FBXW8: variants seen among roughly 807,000 people sequenced by gnomAD.
The protein encoded by FBXW8 is F-box and WD repeat domain containing 8, also known as F-box/WD repeat-containing protein 8.
FBXW8 carries 57 observed loss-of-function variants against 65.3 expected under a neutral mutation model. The observed-to-expected ratio is 0.87, with a 90% CI of 0.71 to 1.09. The LOEUF (loss-of-function observed/expected upper bound fraction) is 1.09. Ranked by LOEUF, FBXW8 falls within the 50% of genes least tolerant of loss-of-function variation. FBXW8 has a pLI of 0.00. For synonymous variants in FBXW8, 308 were observed against 330.2 expected (o/e 0.93, Z 0.73); for missense variants, 777 against 814.8 (o/e 0.95, Z 0.57).
chr12:116,987,859 T>A (rs1442126985), intron 6 of FBXW8, among the ~76,000 whole-genome samples: 2 of 152,130 alleles, frequency 1.3e-5, no homozygotes, highest in Non-Finnish European at 2.9e-5. Context: ...AGGCAGCCAT[T>A]GTTAGAAGAT....
intron 2 of FBXW8, among the ~76,000 whole-genome samples, chr12:116,940,756 T>G (rs530174871): frequency 1.1e-4 from 16 of 152,228 alleles, no homozygotes; most frequent in African/African-American, 3.6e-4. Flanking sequence ...ATTAGTTGAG[T>G]AGCCATGTTG....
Position 117,028,505 on chromosome 12 carries a change from G to GAA in FBXW8, c.*333_*334insAA. 1 of 241,858 alleles carries GAA rather than the reference G, an allele frequency of 4.1e-6. No homozygotes were observed. The highest frequency in any genetic ancestry group is 4.8e-5 in the Admixed American group (1 of 20,852). The allele number at this position is 241,858 out of a possible 1,614,324, so 15.0% of individuals were successfully genotyped here. The stretch of plus-strand genomic sequence containing the variant: ...GTCCCTGCTTAGCCAGCTTCTGTGT[G>GAA]TCCGCCCTCCCAGCTCCAGCCCTGC... On this transcript the variant is annotated 3_prime_UTR_variant, in exon 11 of 11. Transcript: ENST00000652555. This position sits in a 1 kb window ranked among gnomAD's most constrained non-coding sequence, Gnocchi z 4.1.
chr12:117,024,059 T>C (rs1409957340), intron 8 of FBXW8, 88 bp from the exon 9 acceptor site: 3 of 1,411,362 alleles, frequency 2.1e-6, no homozygotes, highest in African/African-American at 1.4e-5. Context: ...GTGTTGTGCA[T>C]AGACCAGCAC....
chr12:116,974,384 C>T (rs1212782922), intron 5 of FBXW8, among the ~76,000 whole-genome samples: 2 of 152,144 alleles, frequency 1.3e-5, no homozygotes, highest in African/African-American at 4.8e-5. Flanking sequence ...AAAAAGACCT[C>T]GTAATACATG....
chr12:116,943,431 A>G (rs1021868689), intron 2 of FBXW8, among the ~76,000 whole-genome samples: 7 of 152,084 alleles, frequency 4.6e-5, no homozygotes, highest in African/African-American at 1.4e-4. Context: ...TCTAATTTGT[A>G]TTATTTGTCA....
chr12:116,925,652 T>A (rs4238050), intron 1 of FBXW8, among the ~76,000 whole-genome samples: 102,564 of 151,840 alleles, frequency 0.68, 39,638 homozygotes, highest in Non-Finnish European at 0.84. Context: ...GACTTTTTTT[T>A]AAAAAAAGTT....
chr12:116,910,996 C>A lies in FBXW8; in HGVS notation c.-42C>A. 3 of 1,356,346 alleles carry A rather than the reference C, an allele frequency of 2.2e-6. No homozygotes were observed. The highest frequency in any genetic ancestry group is 2.8e-6 in the Non-Finnish European group (3 of 1,060,158). 84.0% of individuals were successfully genotyped at this position (1,356,346 alleles called of 1,614,324 possible). On this transcript the variant is annotated 5_prime_UTR_variant, in exon 1 of 11. Transcript: ENST00000652555. Reference sequence around the variant, plus strand: ...CTGGGCGGGACTGTCTCGTGGCACCCGGTGGAACCGAGGAGAACGTGGAGC... The same window carrying A: ...CTGGGCGGGACTGTCTCGTGGCACCAGGTGGAACCGAGGAGAACGTGGAGC...
At chr12:116,958,571 G>A (rs905045266) in intron 4 of FBXW8, among the ~76,000 whole-genome samples, 1 of 152,174 alleles carries the variant, frequency 6.6e-6, no homozygotes, top group Admixed American at 6.5e-5. Context: ...CCCTGGTCAT[G>A]GCGAGTTTAT....
At chr12:116,932,318 C>T (rs1881832257) in intron 2 of FBXW8, among the ~76,000 whole-genome samples, 1 of 152,144 alleles carries the variant, frequency 6.6e-6, no homozygotes, top group Non-Finnish European at 1.5e-5. Flanking sequence ...CTGCATTTTA[C>T]ACAGGTGTTT....
At chr12:116,970,512 AAG>A (rs1295497036) in intron 5 of FBXW8, among the ~76,000 whole-genome samples, 2 of 152,316 alleles carry the variant, frequency 1.3e-5, no homozygotes, top group African/African-American at 4.8e-5. Context: ...GGGTCTCTCC[AAG>A]CTGCTTTTTA....
intron 5 of FBXW8, chr12:116,979,583 C>G (rs552764599): frequency 6.6e-6 from 1 of 152,228 alleles, no homozygotes; most frequent in Non-Finnish European, 1.5e-5. Context: ...TTGTCTGCAT[C>G]CTTTTCCTGT....
At position 116,995,459 on chromosome 12, in the gene FBXW8, A is replaced by T. The variant is rs539511252; in HGVS notation, c.1239+6590A>T. ...TGCTGAGGGCTTCTGAAATGGGCCGAGGAATCCATTATTCTATCACTTCTT... is the reference window on the plus strand; with the variant it reads ...TGCTGAGGGCTTCTGAAATGGGCCGTGGAATCCATTATTCTATCACTTCTT... On this transcript the variant is annotated intron_variant, in intron 7 of 10. Coordinates refer to ENST00000652555, the MANE Select transcript of FBXW8 (RefSeq NM_153348.3). 3.3e-5 allele frequency among the ~76,000 whole-genome samples: 5 copies of T among 152,298 alleles called. No individual in the cohort carries two copies. In the South Asian group the frequency reaches 1.0e-3, roughly 32 times the overall value.
chr12:116,969,137 C>CAAGG (rs1444077702), intron 5 of FBXW8, among the ~76,000 whole-genome samples: 6 of 152,160 alleles, frequency 3.9e-5, no homozygotes, highest in African/African-American at 1.4e-4. Context: ...TTTGGGGTTT[C>CAAGG]ACGTCATGGT....
rs1470941034 is a variant in FBXW8, at chr12:116,935,891, T to TA, written c.423+7772dup. On this transcript the variant is annotated intron_variant, in intron 2 of 10. Transcript: ENST00000652555. ...GAGAATTAAAAGCAATGCTAATTTT[T>TA]AAAAAAAAGTTGGACTTACACTTTT... Among the ~76,000 whole-genome samples, 5 of 152,106 alleles carry TA rather than the reference T, an allele frequency of 3.3e-5. No individual in the cohort carries two copies. The East Asian group carries it at 5.8e-4, about 18-fold the overall frequency.
At chr12:116,958,599 A>C (rs1390508265) in intron 4 of FBXW8, among the ~76,000 whole-genome samples, 4 of 152,182 alleles carry the variant, frequency 2.6e-5, no homozygotes, top group Admixed American at 2.6e-4. Context: ...CAAGGGATCC[A>C]GTTACTGGTG....
At chr12:116,913,115 C>T (rs1880126257) in intron 1 of FBXW8, among the ~76,000 whole-genome samples, 1 of 152,136 alleles carries the variant, frequency 6.6e-6, no homozygotes, top group Non-Finnish European at 1.5e-5. Context: ...TCTGGGCCCT[C>T]CCCAGACCTG....
intron 1 of FBXW8, among the ~76,000 whole-genome samples, chr12:116,918,184 G>T (rs1445755751): frequency 6.6e-6 from 1 of 152,152 alleles, no homozygotes; most frequent in Non-Finnish European, 1.5e-5. Flanking sequence ...AATTTCAGAG[G>T]CAGTAGGCAC....
rs1235647710 is a variant in FBXW8, at chr12:116,985,285, A to G, written c.915A>G (p.Leu305=). The G allele has an allele frequency of 6.2e-7, 1 of 1,614,212 alleles. No homozygotes were observed. The highest frequency in any genetic ancestry group is 8.5e-7 in the Non-Finnish European group (1 of 1,180,026). The stretch of plus-strand genomic sequence containing the variant: ...AGCACGATGCAAGAATACAGGCACT[A>G]GCCCTCAGCCAGGACGATGCAACCG... The part of the protein sequence containing the change: ...RFEHDARIQA[L]ALSQDDATVA... Residue 305 remains leucine, a synonymous_variant, in exon 6 of 11, where the codon CTA becomes CTG. Coordinates refer to ENST00000652555, the MANE Select transcript of FBXW8 (RefSeq NM_153348.3).
At chr12:116,972,280 T>G (rs1266964190) in intron 5 of FBXW8, among the ~76,000 whole-genome samples, 1 of 152,186 alleles carries the variant, frequency 6.6e-6, no homozygotes, top group African/African-American at 2.4e-5. Context: ...CCCAAGTTCT[T>G]AAGTGTACCT....
Sources: gnomAD v4.1 joint callset for allele counts (sites outside exome capture counted in the v4.1 genomes callset) on GRCh38, gnomAD v4.1.1 for gene constraint, Gnocchi (gnomAD v3.1) non-coding constraint, MANE v1.5 for transcripts, NCBI Gene and HGNC (gene_info 2026-07-23, HGNC 2026-07-21) for gene names.